The following ALOX12 variants were observed in gnomAD, a reference collection of about 807,000 sequenced individuals.
ALOX12 encodes the protein polyunsaturated fatty acid lipoxygenase ALOX12.
In ALOX12, 62 loss-of-function variants were observed where a neutral mutation model predicts 85.5. That is an observed-to-expected ratio of 0.73 (90% CI 0.59 to 0.90). The LOEUF is 0.90. Ranked by LOEUF, ALOX12 falls within the 40% of genes least tolerant of loss-of-function variation. The pLI is 0.00. For synonymous variants in ALOX12, 299 were observed against 332.7 expected (o/e 0.90, Z 1.10); for missense variants, 751 against 856.5 (o/e 0.88, Z 1.54).
At chr17:7,002,711 G>A (rs1381844628) in intron 8 of ALOX12, 3 of 287,044 alleles carry the variant, frequency 1.0e-5, no homozygotes, top group African/African-American at 6.8e-5. Flanking sequence ...AATAAGACCT[G>A]TGCTTGCTTA....
At chr17:7,007,747 G>A (rs1909157721) in intron 11 of ALOX12, among the ~76,000 whole-genome samples, 1 of 152,122 alleles carries the variant, frequency 6.6e-6, no homozygotes, top group Non-Finnish European at 1.5e-5. Flanking sequence ...CAGGCGTCGT[G>A]GCACGCACCT....
intron 7 of ALOX12, chr17:7,001,356 G>GC: frequency 1.8e-6 from 1 of 540,932 alleles, no homozygotes; most frequent in Non-Finnish European, 3.3e-6. Context: ...CCCCAAAGCA[G>GC]CAGGTTTCTC....
At chr17:7,007,897 A>T (rs1909168214) in intron 11 of ALOX12, among the ~76,000 whole-genome samples, 1 of 152,122 alleles carries the variant, frequency 6.6e-6, no homozygotes, top group African/African-American at 2.4e-5. Flanking sequence ...ATAAAATAAA[A>T]AAAACCACAC....
intron 1 of ALOX12, 21 bp downstream of exon 1, chr17:6,996,273 G>T: frequency 4.9e-6 from 6 of 1,229,216 alleles, no homozygotes; most frequent in Non-Finnish European, 6.1e-6. Flanking sequence ...GGAGCGAGGG[G>T]AGCTAGGGCA....
At chr17:7,005,474 CTTTTTTTT>C (rs35201122) in intron 9 of ALOX12, 131 bp downstream of exon 9, 10 of 221,960 alleles carry the variant, frequency 4.5e-5, no homozygotes, top group East Asian at 1.1e-4. Flanking sequence ...ATACCCATGT[CTTTTTTTT>C]TTTTTTTTTT....
At chr17:6,999,182 C>T (rs1908589876) in intron 5 of ALOX12, 124 bp from the exon 6 acceptor site, 2 of 1,492,642 alleles carry the variant, frequency 1.3e-6, no homozygotes, top group East Asian at 2.3e-5. Context: ...TCAGAGAGGC[C>T]TTGAGAATGA....
chr17:7,001,542 A>C, intron 7 of ALOX12, 60 bp from the exon 8 acceptor site: 1 of 1,479,222 alleles, frequency 6.8e-7, no homozygotes, highest in Non-Finnish European at 9.4e-7. Flanking sequence ...TGTTTCCCCA[A>C]GAATGCTGAC....
At chr17:7,006,381 T>C (rs1909078087) in intron 10 of ALOX12, 105 bp from the exon 11 acceptor site, 4 of 1,545,842 alleles carry the variant, frequency 2.6e-6, no homozygotes. Context: ...AAAGGCGAGG[T>C]GTCTTCCCAG....
intron 9 of ALOX12, 29 bp downstream of exon 9, chr17:7,005,372 C>CATG: frequency 6.4e-7 from 1 of 1,557,948 alleles, no homozygotes; most frequent in East Asian, 2.2e-5. Context: ...ATGGGACTGC[C>CATG]TCATCCATCT....
At position 6,996,948 on chromosome 17, in the gene ALOX12, T is replaced by C. The variant is rs1467020346; in HGVS notation, c.258T>C (p.Pro86=). The change falls in exon 2 of 14, where the codon CCT becomes CCC. Residue 86 remains proline (P), a synonymous_variant. Coordinates refer to ENST00000251535, the MANE Select transcript of ALOX12 (RefSeq NM_000697.3). ...WFCDRITVQG[P]GACAEVAFPC... ...GCGACCGCATCACGGTGCAGGGCCC[T>C]GGAGCCTGCGCGGAGGTGGCCTTCC... 6.3e-7 allele frequency: 1 copy of C among 1,599,782 alleles called. No homozygotes were observed. The highest frequency in any genetic ancestry group is 8.5e-7 in the Non-Finnish European group (1 of 1,173,180).
chr17:7,009,904 G>A lies in ALOX12; in HGVS notation c.1642-52G>A, dbSNP rs376575964. On this transcript the variant is annotated intron_variant, in intron 12 of 13. Coordinates refer to ENST00000251535, the MANE Select transcript of ALOX12 (RefSeq NM_000697.3). ...GGCAAGGTGACCTGAGGGAGAGATG[G>A]GAGTTCAAACCCTAAGTACCAGGGT... 22 of 1,614,034 alleles carry A rather than the reference G, an allele frequency of 1.4e-5. No individual in the cohort carries two copies. In the East Asian group the frequency reaches 3.1e-4, roughly 23 times the overall value.
intron 5 of ALOX12, 80 bp from the exon 6 acceptor site, chr17:6,999,226 A>G (rs1908591702): frequency 6.3e-7 from 1 of 1,580,546 alleles, no homozygotes; most frequent in African/African-American, 1.3e-5. Context: ...AGGGTTATAT[A>G]CCTGAACCCC....
chr17:7,002,452 G>C (rs1282109224), intron 8 of ALOX12: 1 of 467,690 alleles, frequency 2.1e-6, no homozygotes, highest in African/African-American at 2.0e-5. Flanking sequence ...TGCCACACCT[G>C]TAAGTCCCTG....
intron 8 of ALOX12, among the ~76,000 whole-genome samples, chr17:7,004,511 A>T (rs1191751979): frequency 2.0e-5 from 3 of 148,190 alleles, no homozygotes; most frequent in East Asian, 3.9e-4. Context: ...AAATTAATTT[A>T]AATTTAATAT....
rs970766391 is a variant in ALOX12 at position 7,000,419 on chromosome 17, T to C, written c.891T>C (p.Ala297=). 2 of 1,614,022 alleles carry C rather than the reference T, an allele frequency of 1.2e-6. No homozygotes were observed. Among genetic ancestry groups the C allele is most frequent in the African/African-American group, 1.3e-5 (1 of 74,922 alleles). The change falls in exon 7 of 14, where the codon GCT becomes GCC. Residue 297 remains alanine, a synonymous_variant. Coordinates refer to ENST00000251535, the MANE Select transcript of ALOX12 (RefSeq NM_000697.3). This position sits in a 1 kb window ranked among gnomAD's most constrained non-coding sequence, Gnocchi z 4.6. ...TCCGAGGAGAGAAGCAATACCTGGC[T>C]GCCCCCCTCGTTATGCTGAAGATGG... ...NVIRGEKQYL[A]APLVMLKMEP...
At chr17:7,004,413 TTTAA>T (rs201895864) in intron 8 of ALOX12, among the ~76,000 whole-genome samples, 13,146 of 144,728 alleles carry the variant, frequency 0.091, 721 homozygotes, top group South Asian at 0.23. Flanking sequence ...TAATTTTAAT[TTTAA>T]TTGCTTCAAT....
chr17:7,005,646 A>G (rs1909004828), intron 9 of ALOX12, among the ~76,000 whole-genome samples: 1 of 151,626 alleles, frequency 6.6e-6, no homozygotes, highest in South Asian at 2.1e-4. Flanking sequence ...ATGCCCAGCT[A>G]ATTTTTATAT....
rs1007828684 is a variant in ALOX12 at position 7,003,164 on chromosome 17, C to A, written c.1161+1353C>A. ...TTACAATTCCGTTTCCTAGTTCAGT[C>A]CTCTCCGTGTCTCCACTCACCACAG... is the stretch of plus-strand genomic sequence containing the variant. On this transcript the variant is annotated intron_variant, in intron 8 of 13. Coordinates refer to ENST00000251535, the MANE Select transcript of ALOX12 (RefSeq NM_000697.3). 5.9e-5 allele frequency among the ~76,000 whole-genome samples: 9 copies of A among 152,312 alleles called. 1 individual carries two copies. Among genetic ancestry groups the A allele is most frequent in the Admixed American group, 2.6e-4 (4 of 15,296 alleles).
At position 7,006,499 on chromosome 17, in the gene ALOX12, A is replaced by G. The variant is rs1208239333; in HGVS notation, c.1432A>G (p.Ile478Val). 2.5e-6 allele frequency: 4 copies of G among 1,613,508 alleles called. No individual in the cohort carries two copies. The highest frequency in any genetic ancestry group is 3.4e-6 in the Non-Finnish European group (4 of 1,179,880). The change falls in exon 11 of 14, where the codon ATC becomes GTC. Residue 478 changes from isoleucine to valine, a missense_variant. By Grantham distance (29) the Ile-to-Val change is conservative. Coordinates refer to ENST00000251535, the MANE Select transcript of ALOX12 (RefSeq NM_000697.3). The stretch of plus-strand genomic sequence containing the variant: ...CCCCCTGGGCAGGTATGTGGAGGGG[A>G]TCGTCCACCTCTTCTACCAAAGGGA... ...WEIIARYVEG[I>V]VHLFYQRDDI...
Sources: allele counts gnomAD v4.1 joint callset (sites outside exome capture counted in the v4.1 genomes callset), GRCh38; gene constraint gnomAD v4.1.1; non-coding constraint Gnocchi (gnomAD v3.1); transcripts MANE v1.5; gene names NCBI Gene and HGNC (gene_info 2026-07-23, HGNC 2026-07-21).